Variants in NINJ2 observed in about 807,000 individuals in gnomAD.
NINJ2 encodes ninjurin-2.
A neutral mutation model predicts 11.7 loss-of-function variants in NINJ2; 12 were observed. That is an observed-to-expected ratio of 1.02 (90% CI 0.66 to 1.66). The LOEUF is 1.66. NINJ2 is among the 40% of genes most tolerant of loss of function. The pLI is 0.00. For missense variants in NINJ2, 187 were observed against 181.8 expected (o/e 1.03, Z -0.16); for synonymous variants, 93 against 76.8 (o/e 1.21, Z -1.10).
intron 1 of NINJ2, among the ~76,000 whole-genome samples, chr12:624,180 G>C (rs897890620): frequency 9.9e-5 from 15 of 152,268 alleles, no homozygotes; most frequent in Middle Eastern, 3.4e-3. Context: ...TCTCTACAAT[G>C]TTACCCCACT....
intron 1 of NINJ2, among the ~76,000 whole-genome samples, chr12:660,232 G>T (rs1439244134): frequency 1.2e-4 from 17 of 146,386 alleles, no homozygotes; most frequent in Admixed American, 2.1e-4. Context: ...AGGCTGCAGT[G>T]AGCCAAGATT....
intron 1 of NINJ2, among the ~76,000 whole-genome samples, chr12:661,425 G>A (rs1406838475): frequency 3.9e-5 from 6 of 152,170 alleles, no homozygotes; most frequent in Admixed American, 6.5e-5. Flanking sequence ...AACCTTCTGA[G>A]CAAAGGAAAA....
intron 1 of NINJ2, among the ~76,000 whole-genome samples, chr12:583,119 G>A (rs111239425): frequency 1.5e-4 from 13 of 84,230 alleles, no homozygotes; most frequent in East Asian, 3.5e-4. Context: ...GAATGAATGG[G>A]CGCAGGCAGG....
chr12:572,981 C>A (rs1443606217), intron 1 of NINJ2, among the ~76,000 whole-genome samples: 2 of 150,230 alleles, frequency 1.3e-5, no homozygotes, highest in African/African-American at 4.9e-5. Context: ...CTCAGCCTCC[C>A]GAGTAGCTGG....
chr12:622,244 C>T (rs1310314467), intron 1 of NINJ2, among the ~76,000 whole-genome samples: 1 of 151,128 alleles, frequency 6.6e-6, no homozygotes, highest in Non-Finnish European at 1.5e-5. Context: ...CCCGTCTCTA[C>T]TAAAAAATAC....
chr12:582,333 G>A (rs1661583256), intron 1 of NINJ2, among the ~76,000 whole-genome samples: 4 of 121,552 alleles, frequency 3.3e-5, no homozygotes, highest in East Asian at 2.4e-4. Context: ...ATGAATGGAC[G>A]CAGGCAGGCA....
At chr12:584,579 G>C (rs1173227478) in intron 1 of NINJ2, among the ~76,000 whole-genome samples, 1 of 152,108 alleles carries the variant, frequency 6.6e-6, no homozygotes, top group African/African-American at 2.4e-5. Flanking sequence ...GCGGAGGCAG[G>C]TGGATCATCT....
Position 611,263 on chromosome 12 carries a change from T to TTCTCTCTCTCTTTCTTTCTCTCTC in NINJ2, c.34-45086_34-45085insGAGAGAGAAAGAAAGAGAGAGAGA, listed in dbSNP as rs138571960. Among the ~76,000 whole-genome samples the TTCTCTCTCTCTTTCTTTCTCTCTC allele has an allele frequency of 4.6e-3, 579 of 126,454 alleles. 9 individuals are homozygous for TTCTCTCTCTCTTTCTTTCTCTCTC. Among genetic ancestry groups the TTCTCTCTCTCTTTCTTTCTCTCTC allele is most frequent in the African/African-American group, 0.014 (496 of 36,114 alleles). The allele number at this position is 126,454 out of a possible 152,430, so 83.0% of individuals were successfully genotyped here. ...TCTTTCTTTCTCTCTCTCTCTTTCTTTCTTTCTTTCTCTCTCTCTTTCTTT... is the reference window on the plus strand; with the variant it reads ...TCTTTCTTTCTCTCTCTCTCTTTCTTTCTCTCTCTCTTTCTTTCTCTCTCTCTTTCTTTCTCTCTCTCTTTCTTT... On this transcript the variant is annotated intron_variant, in intron 1 of 3. Coordinates refer to ENST00000305108, the MANE Select transcript of NINJ2 (RefSeq NM_016533.6).
At chr12:565,099 G>A (rs2120768675) in intron 3 of NINJ2, 118 bp downstream of exon 3, 1 of 789,958 alleles carries the variant, frequency 1.3e-6, no homozygotes, top group East Asian at 2.7e-5. Context: ...TGCTCTCGGA[G>A]CTACAGGCCT....
At chr12:606,622 C>T (rs1200417592) in intron 1 of NINJ2, among the ~76,000 whole-genome samples, 1 of 152,132 alleles carries the variant, frequency 6.6e-6, no homozygotes, top group Non-Finnish European at 1.5e-5. Flanking sequence ...CTCCAGAGGA[C>T]AGAGGAGTGA....
At chr12:587,774 G>A (rs1030087849) in intron 1 of NINJ2, among the ~76,000 whole-genome samples, 8 of 152,214 alleles carry the variant, frequency 5.3e-5, no homozygotes, top group Admixed American at 2.0e-4. Flanking sequence ...CCCATCCCCC[G>A]TGTTTGAAAT....
chr12:633,542 C>G lies in NINJ2; in HGVS notation c.33+29786G>C, dbSNP rs913051356. Among the ~76,000 whole-genome samples, 1 of 151,996 alleles carries G rather than the reference C, an allele frequency of 6.6e-6. No individual in the cohort carries two copies. Among genetic ancestry groups the G allele is most frequent in the Non-Finnish European group, 1.5e-5 (1 of 67,998 alleles). ...CATTTAAAAACTTCTGAGGCTGGGC[C>G]CAGTGGCCCATGCCCGTAATCCCAG... On this transcript the variant is annotated intron_variant, in intron 1 of 3. Coordinates refer to ENST00000305108, the MANE Select transcript of NINJ2 (RefSeq NM_016533.6). This position sits in a 1 kb window ranked among gnomAD's most constrained non-coding sequence, Gnocchi z 4.3.
At chr12:630,843 C>G (rs34038797) in intron 1 of NINJ2, 65,014 of 152,148 alleles carry the variant, frequency 0.43, 14,350 homozygotes, top group Non-Finnish European at 0.48. Flanking sequence ...AGCAGGCTTC[C>G]GGCCCTGCGC....
rs577798746 is a variant in NINJ2 at position 570,650 on chromosome 12, G to C, written c.34-4472C>G. 1.4e-4 allele frequency among the ~76,000 whole-genome samples: 21 copies of C among 152,216 alleles called. No homozygotes were observed. The South Asian group carries it at 4.4e-3, about 32-fold the overall frequency. ...TCATTCCCGTTTCGCCGGACTCTTCGCCGCTGGCTCTCGCTTGCCGCCCTC... is the reference window on the plus strand; with the variant it reads ...TCATTCCCGTTTCGCCGGACTCTTCCCCGCTGGCTCTCGCTTGCCGCCCTC... On this transcript the variant is annotated intron_variant, in intron 1 of 3. Coordinates refer to ENST00000305108, the MANE Select transcript of NINJ2 (RefSeq NM_016533.6).
chr12:604,507 G>T (rs1262936881), intron 1 of NINJ2, among the ~76,000 whole-genome samples: 1 of 152,094 alleles, frequency 6.6e-6, no homozygotes, highest in Non-Finnish European at 1.5e-5. Context: ...GCGTGGTGGT[G>T]GGCACCTGTA....
intron 1 of NINJ2, among the ~76,000 whole-genome samples, chr12:653,864 A>G (rs1160186507): frequency 6.6e-6 from 1 of 152,210 alleles, no homozygotes; most frequent in Non-Finnish European, 1.5e-5. Context: ...AGAAGACTCA[A>G]CTGTATGTTG....
At chr12:586,557 A>C (rs569677053) in intron 1 of NINJ2, 6 of 152,424 alleles carry the variant, frequency 3.9e-5, no homozygotes, top group African/African-American at 1.4e-4. Context: ...CTCCCTGGGC[A>C]GCGCACGCCC....
chr12:641,042 G>A (rs1476931402), intron 1 of NINJ2: 2 of 152,110 alleles, frequency 1.3e-5, no homozygotes, highest in South Asian at 2.1e-4. Context: ...TCCTCCAGGC[G>A]GTTTTCAGGC....
At chr12:652,971 AAG>A (rs1197528824) in intron 1 of NINJ2, among the ~76,000 whole-genome samples, 2 of 151,196 alleles carry the variant, frequency 1.3e-5, no homozygotes, top group African/African-American at 4.8e-5. Context: ...GAAAAAGAAA[AAG>A]AAAAAAATTC....
Sources: gnomAD v4.1 joint callset for allele counts (sites outside exome capture counted in the v4.1 genomes callset) on GRCh38, gnomAD v4.1.1 for gene constraint, Gnocchi (gnomAD v3.1) non-coding constraint, MANE v1.5 for transcripts, NCBI Gene and HGNC (gene_info 2026-07-23, HGNC 2026-07-21) for gene names.